The following ZBTB7C variants were observed in gnomAD, a reference collection of about 807,000 sequenced individuals.
ZBTB7C encodes the protein zinc finger and BTB domain-containing protein 7C.
Under a neutral mutation model 25.7 loss-of-function variants are expected in ZBTB7C, and 8 were observed. The ratio of observed to expected loss-of-function variants is 0.31; its 90% CI spans 0.18 to 0.56. The LOEUF (loss-of-function observed/expected upper bound fraction) is 0.56. Among genes scored for constraint, ZBTB7C ranks in the 20% least tolerant of loss-of-function variants. ZBTB7C has a pLI of 0.91. For synonymous variants in ZBTB7C, 394 were observed against 369.0 expected (o/e 1.07, Z -0.78); for missense variants, 824 against 855.2 (o/e 0.96, Z 0.46).
chr18:48,262,236 C>A (rs949061), intron 2 of ZBTB7C, among the ~76,000 whole-genome samples: 27,383 of 152,186 alleles, frequency 0.18, 2,805 homozygotes, highest in Admixed American at 0.31. Context: ...GGATGTCAAC[C>A]CAAGCTCCCT....
chr18:48,185,985 C>G lies in ZBTB7C; in HGVS notation c.-68G>C, dbSNP rs930193339. 1.3e-5 allele frequency: 2 copies of G among 152,290 alleles called. No homozygotes were observed. Among genetic ancestry groups the G allele is most frequent in the Non-Finnish European group, 2.9e-5 (2 of 68,062 alleles). 9.4% of individuals were successfully genotyped at this position (152,290 alleles called of 1,614,324 possible). On this transcript the variant is annotated 5_prime_UTR_variant, in exon 3 of 5. Transcript: ENST00000590800. ...TCAGGACACCAGTTTTTCTGCAAATCTGCTCATTTCCTGCAAAGAGAAGAA... is the reference window on the plus strand; with the variant it reads ...TCAGGACACCAGTTTTTCTGCAAATGTGCTCATTTCCTGCAAAGAGAAGAA...
chr18:48,150,647 G>A (rs1243401401), intron 3 of ZBTB7C: 2 of 151,718 alleles, frequency 1.3e-5, no homozygotes, highest in African/African-American at 4.9e-5. Flanking sequence ...GACCTGTTAA[G>A]CTAATAGGGG....
At chr18:48,299,070 C>T (rs554023419) in intron 2 of ZBTB7C, among the ~76,000 whole-genome samples, 1 of 152,120 alleles carries the variant, frequency 6.6e-6, no homozygotes, top group Admixed American at 6.5e-5. Context: ...GAGGTCCCAA[C>T]CCTGATGGGG....
chr18:48,255,345 A>C (rs2043990496), intron 2 of ZBTB7C, among the ~76,000 whole-genome samples: 1 of 152,244 alleles, frequency 6.6e-6, no homozygotes, highest in South Asian at 2.1e-4. Context: ...AGATATAAAA[A>C]GACTAAAACT....
At chr18:48,276,659 C>T (rs1305248842) in intron 2 of ZBTB7C, among the ~76,000 whole-genome samples, 5 of 78,814 alleles carry the variant, frequency 6.3e-5, no homozygotes, top group Non-Finnish European at 1.3e-4. Flanking sequence ...CATAGTATTC[C>T]ATGGTGTATA....
At chr18:48,401,131 A>G (rs2145311997) in intron 1 of ZBTB7C, among the ~76,000 whole-genome samples, 1 of 152,320 alleles carries the variant, frequency 6.6e-6, no homozygotes, top group Non-Finnish European at 1.5e-5. Context: ...ATGTGAGCTC[A>G]TGACACCCAA....
At chr18:48,394,763 G>C (rs1293211451) in intron 1 of ZBTB7C, among the ~76,000 whole-genome samples, 2 of 152,162 alleles carry the variant, frequency 1.3e-5, no homozygotes, top group African/African-American at 4.8e-5. Flanking sequence ...AGAGTACAGT[G>C]ACTAGATTTT....
At chr18:48,293,569 A>G (rs180967540) in intron 2 of ZBTB7C, among the ~76,000 whole-genome samples, 73 of 152,296 alleles carry the variant, frequency 4.8e-4, no homozygotes, top group African/African-American at 1.7e-3. Context: ...ATAAACTTCA[A>G]AATGGCTCCC....
At chr18:48,260,341 C>T (rs2044136090) in intron 2 of ZBTB7C, among the ~76,000 whole-genome samples, 1 of 152,208 alleles carries the variant, frequency 6.6e-6, no homozygotes. Flanking sequence ...TCCCTTCCCC[C>T]TGGGCACTAG....
At chr18:48,302,101 G>T (rs529676600) in intron 2 of ZBTB7C, among the ~76,000 whole-genome samples, 1 of 152,306 alleles carries the variant, frequency 6.6e-6, no homozygotes, top group African/African-American at 2.4e-5. Flanking sequence ...TCTGGCTTCT[G>T]CAGAATTCTC....
In ZBTB7C at chr18:48,077,825, C is replaced by T. The variant is rs953319633; in HGVS notation, c.-16-36702G>A. 2.6e-5 allele frequency among the ~76,000 whole-genome samples: 4 copies of T among 152,204 alleles called. No homozygotes were observed. In the South Asian group the frequency reaches 8.3e-4, roughly 32 times the overall value. On this transcript the variant is annotated intron_variant, in intron 3 of 4. Transcript: ENST00000590800. ...GGCCTGCACAATACCCTGCTGGCTC[C>T]CTGGTTATAGAGGTAAGATGCTGAG...
intron 3 of ZBTB7C, among the ~76,000 whole-genome samples, chr18:48,045,969 T>C (rs1309485944): frequency 6.6e-6 from 1 of 152,348 alleles, no homozygotes; most frequent in African/African-American, 2.4e-5. Context: ...AACTTGCTAG[T>C]TGAATGGGTG....
intron 1 of ZBTB7C, among the ~76,000 whole-genome samples, chr18:48,377,776 C>T (rs1187904012): frequency 6.6e-6 from 1 of 152,200 alleles, no homozygotes; most frequent in African/African-American, 2.4e-5. Context: ...GCGGAAGAAG[C>T]TGAGAACCAC....
intron 3 of ZBTB7C, among the ~76,000 whole-genome samples, chr18:48,071,426 T>C (rs1325083683): frequency 6.6e-6 from 1 of 152,138 alleles, no homozygotes; most frequent in African/African-American, 2.4e-5. Context: ...AAAGGGTAAG[T>C]CAAAACTACA....
intron 3 of ZBTB7C, among the ~76,000 whole-genome samples, chr18:48,095,633 A>G (rs972508715): frequency 1.7e-4 from 26 of 152,024 alleles, no homozygotes; most frequent in African/African-American, 5.6e-4. Context: ...AATCACTTGA[A>G]CCTGGGAGGT....
chr18:48,199,932 C>T (rs8087135), intron 2 of ZBTB7C, among the ~76,000 whole-genome samples: 139,161 of 152,172 alleles, frequency 0.91, 64,257 homozygotes, highest in East Asian at 0.99. Flanking sequence ...CAAAACTGCA[C>T]GCTGAGTGGT....
intron 3 of ZBTB7C, among the ~76,000 whole-genome samples, chr18:48,115,048 A>G (rs1056634953): frequency 6.6e-6 from 1 of 152,168 alleles, no homozygotes; most frequent in African/African-American, 2.4e-5. Flanking sequence ...CCCCAAACAG[A>G]AACTATTCAT....
Position 48,040,975 on chromosome 18 carries a change from A to G in ZBTB7C, c.133T>C (p.Tyr45His). 6.2e-7 allele frequency: 1 copy of G among 1,613,784 alleles called. No individual in the cohort carries two copies. Among genetic ancestry groups the G allele is most frequent in the Non-Finnish European group, 8.5e-7 (1 of 1,179,944 alleles). ...DVLLVVQEQE[Y>H]RTHRSVLAAC... ...GCCAGGACGGAGCGGTGGGTCCGAT[A>G]CTCCTGCTCCTGCACCACCAGGAGC... The change falls in exon 4 of 5, where the codon TAT (tyrosine) becomes CAT (histidine). Residue 45 changes from tyrosine to histidine, a missense_variant. Physicochemically the swap from Tyr to His is moderately conservative, Grantham distance 83. Coordinates refer to ENST00000590800, the MANE Select transcript of ZBTB7C (RefSeq NM_001318841.2).
chr18:48,367,664 G>A (rs1305281016), intron 1 of ZBTB7C, among the ~76,000 whole-genome samples: 3 of 151,890 alleles, frequency 2.0e-5, no homozygotes, highest in African/African-American at 4.8e-5. Flanking sequence ...GAAACACTGC[G>A]GCCCACCCTC....
Sources: allele counts gnomAD v4.1 joint callset (sites outside exome capture counted in the v4.1 genomes callset), GRCh38; gene constraint gnomAD v4.1.1; transcripts MANE v1.5; gene names NCBI Gene and HGNC (gene_info 2026-07-23, HGNC 2026-07-21).